The following ZBTB20 variants were observed in gnomAD, a reference collection of about 807,000 sequenced individuals.
ZBTB20 encodes zinc finger and BTB domain-containing protein 20.
A neutral mutation model predicts 56.9 loss-of-function variants in ZBTB20; 9 were observed. That is an observed-to-expected ratio of 0.16 (90% CI 0.10 to 0.28). The LOEUF (loss-of-function observed/expected upper bound fraction) is 0.28. ZBTB20 is among the 10% of genes least tolerant of loss of function. ZBTB20 has a pLI of 1.00. For missense variants in ZBTB20, 655 were observed against 1,003.0 expected, an observed-to-expected ratio of 0.65 and a Z score of 4.69; for synonymous variants, 417 against 420.7, an observed-to-expected ratio of 0.99 and a Z score of 0.11.
intron 3 of ZBTB20, among the ~76,000 whole-genome samples, chr3:114,920,136 TAACAG>T (rs1367864452): frequency 6.6e-6 from 1 of 152,128 alleles, no homozygotes; most frequent in Non-Finnish European, 1.5e-5. Flanking sequence ...AATTAAATGT[TAACAG>T]AACAGAAGGG....
chr3:114,952,383 T>A (rs1013196024), intron 3 of ZBTB20, among the ~76,000 whole-genome samples: 1 of 152,076 alleles, frequency 6.6e-6, no homozygotes, highest in African/African-American at 2.4e-5. Flanking sequence ...AGCATCATGA[T>A]CTTAGACTTC....
chr3:114,891,807 G>T (rs1483733695), intron 4 of ZBTB20, among the ~76,000 whole-genome samples: 1 of 152,166 alleles, frequency 6.6e-6, no homozygotes, highest in Admixed American at 6.5e-5. Flanking sequence ...AGCACTTTGG[G>T]AGGCCCAGGC....
intron 6 of ZBTB20, among the ~76,000 whole-genome samples, chr3:114,556,589 T>C (rs950189104): frequency 6.6e-6 from 1 of 152,066 alleles, no homozygotes; most frequent in African/African-American, 2.4e-5. Context: ...ATTCATTCCA[T>C]ATTAAGAAAA....
chr3:114,877,017 T>C (rs1430868965), intron 4 of ZBTB20, among the ~76,000 whole-genome samples: 1 of 152,210 alleles, frequency 6.6e-6, no homozygotes, highest in Admixed American at 6.5e-5. Context: ...GCTGCCACAA[T>C]AAATAATGTA....
chr3:115,140,192 C>T (rs888915356), intron 1 of ZBTB20, among the ~76,000 whole-genome samples: 1 of 151,982 alleles, frequency 6.6e-6, no homozygotes, highest in African/African-American at 2.4e-5. Flanking sequence ...TGCCATAGAT[C>T]ATGTAACTAA....
chr3:114,392,938 A>G (rs1656007601), intron 7 of ZBTB20, among the ~76,000 whole-genome samples: 1 of 152,236 alleles, frequency 6.6e-6, no homozygotes, highest in African/African-American at 2.4e-5. Flanking sequence ...CTCAGTAATT[A>G]TTACTTGGCC....
At chr3:114,616,457 A>G (rs2107726883) in intron 6 of ZBTB20, among the ~76,000 whole-genome samples, 1 of 152,254 alleles carries the variant, frequency 6.6e-6, no homozygotes, top group East Asian at 1.9e-4. Flanking sequence ...AGCTATGGAC[A>G]CTTCTGCAGC....
At chr3:114,807,976 C>T (rs1373652060) in intron 4 of ZBTB20, among the ~76,000 whole-genome samples, 1 of 151,990 alleles carries the variant, frequency 6.6e-6, no homozygotes, top group Non-Finnish European at 1.5e-5. Flanking sequence ...CTTTGTCTGG[C>T]TTTGCTCTCA....
intron 5 of ZBTB20, among the ~76,000 whole-genome samples, chr3:114,718,013 G>A (rs1172681558): frequency 6.6e-6 from 1 of 152,188 alleles, no homozygotes; most frequent in Non-Finnish European, 1.5e-5. Context: ...GATAAACACA[G>A]TATATTTGGA....
intron 2 of ZBTB20, among the ~76,000 whole-genome samples, chr3:114,995,020 A>G (rs1222207049): frequency 6.6e-6 from 1 of 151,902 alleles, no homozygotes; most frequent in Non-Finnish European, 1.5e-5. Context: ...ACTTATGTAA[A>G]TTTTTAAGTA....
chr3:114,533,901 A>G (rs1393008200), intron 6 of ZBTB20, among the ~76,000 whole-genome samples: 2 of 152,206 alleles, frequency 1.3e-5, no homozygotes, highest in Non-Finnish European at 2.9e-5. Flanking sequence ...CTTCAAAAGC[A>G]AAGGAGAATT....
intron 2 of ZBTB20, among the ~76,000 whole-genome samples, chr3:115,038,803 T>C (rs1462533355): frequency 6.6e-6 from 1 of 152,110 alleles, no homozygotes; most frequent in Non-Finnish European, 1.5e-5. Flanking sequence ...ACTATCAACA[T>C]TTGCTTCACA....
At chr3:115,071,991 C>T (rs2082426857) in intron 1 of ZBTB20, among the ~76,000 whole-genome samples, 1 of 152,142 alleles carries the variant, frequency 6.6e-6, no homozygotes, top group African/African-American at 2.4e-5. Flanking sequence ...GAAGGGGCAG[C>T]CAGCCGGACA....
intron 6 of ZBTB20, among the ~76,000 whole-genome samples, chr3:114,682,962 C>A (rs1012847774): frequency 3.3e-5 from 5 of 152,066 alleles, no homozygotes; most frequent in African/African-American, 9.7e-5. Flanking sequence ...GTATTTTCTG[C>A]GGGAACAAAT....
At chr3:114,433,142 CAG>C (rs2090243715) in intron 7 of ZBTB20, among the ~76,000 whole-genome samples, 1 of 151,936 alleles carries the variant, frequency 6.6e-6, no homozygotes, top group African/African-American at 2.4e-5. Flanking sequence ...GACGAGGAAA[CAG>C]AAAAAAAAGA....
chr3:114,676,543 G>A (rs943795353), intron 6 of ZBTB20, among the ~76,000 whole-genome samples: 20 of 151,738 alleles, frequency 1.3e-4, no homozygotes, highest in Non-Finnish European at 2.9e-5. Context: ...TTTTTGTCTC[G>A]TGTAGGGGTT....
chr3:114,363,240 A>G (rs1000572801), intron 10 of ZBTB20, among the ~76,000 whole-genome samples: 1 of 152,184 alleles, frequency 6.6e-6, no homozygotes, highest in African/African-American at 2.4e-5. Flanking sequence ...GACTGTGATC[A>G]GCTATTAGAA....
intron 3 of ZBTB20, among the ~76,000 whole-genome samples, chr3:114,926,362 T>C (rs2076157901): frequency 6.6e-6 from 1 of 152,240 alleles, no homozygotes; most frequent in African/African-American, 2.4e-5. Flanking sequence ...TTGTGTTTTG[T>C]TATGCTTTGC....
At chr3:114,598,972 G>A (rs564571005) in intron 6 of ZBTB20, among the ~76,000 whole-genome samples, 6 of 151,992 alleles carry the variant, frequency 3.9e-5, no homozygotes, top group Non-Finnish European at 8.8e-5. Context: ...CCCTTAACGG[G>A]GGGGGACCCA....
Sources: allele counts gnomAD v4.1 joint callset (sites outside exome capture counted in the v4.1 genomes callset), GRCh38; gene constraint gnomAD v4.1.1; transcripts MANE v1.5; gene names NCBI Gene and HGNC (gene_info 2026-07-23, HGNC 2026-07-21).